ATG7: variants seen among roughly 807,000 people sequenced by gnomAD.
The protein encoded by ATG7 is autophagy related 7.
In ATG7, 70 loss-of-function variants were observed where a neutral mutation model predicts 82.4. The observed-to-expected ratio is 0.85, with a 90% CI of 0.70 to 1.04. The LOEUF (loss-of-function observed/expected upper bound fraction) is 1.04. Among genes scored for constraint, ATG7 ranks in the 50% least tolerant of loss-of-function variants. The pLI is 0.00. For synonymous variants in ATG7, 287 were observed against 313.0 expected, an observed-to-expected ratio of 0.92 and a Z score of 0.88; for missense variants, 792 against 864.3, an observed-to-expected ratio of 0.92 and a Z score of 1.05.
chr3:11,543,944 G>A (rs976006170), intron 20 of ATG7, among the ~76,000 whole-genome samples: 1 of 152,156 alleles, frequency 6.6e-6, no homozygotes, highest in African/African-American at 2.4e-5. Flanking sequence ...CAGACATCAA[G>A]GGCACCCAAG....
intron 20 of ATG7, among the ~76,000 whole-genome samples, chr3:11,456,734 C>T (rs1045211109): frequency 2.2e-4 from 33 of 152,308 alleles, no homozygotes; most frequent in African/African-American, 7.0e-4. Flanking sequence ...AAAAATGTGA[C>T]GGAAAGAAGT....
chr3:11,320,398 C>T (rs1274464028), intron 9 of ATG7, among the ~76,000 whole-genome samples: 25 of 152,108 alleles, frequency 1.6e-4, no homozygotes, highest in Non-Finnish European at 4.4e-5. Flanking sequence ...GTGATTCCTC[C>T]TGCCTCAGCC....
chr3:11,363,492 T>C (rs1461846773), intron 17 of ATG7, among the ~76,000 whole-genome samples: 2 of 152,214 alleles, frequency 1.3e-5, no homozygotes, highest in Admixed American at 1.3e-4. Context: ...TCAGAAGTGA[T>C]TCACCCACCT....
chr3:11,390,882 G>A (rs2078747158), intron 19 of ATG7, among the ~76,000 whole-genome samples: 2 of 152,206 alleles, frequency 1.3e-5, no homozygotes, highest in Admixed American at 6.5e-5. Flanking sequence ...GATATGACTA[G>A]TGCAGCAGCA....
intron 14 of ATG7, among the ~76,000 whole-genome samples, chr3:11,352,607 T>C (rs1445361280): frequency 6.6e-6 from 1 of 152,246 alleles, no homozygotes; most frequent in Non-Finnish European, 1.5e-5. Flanking sequence ...CAGATACTTA[T>C]TCATCACCTT....
intron 3 of ATG7, among the ~76,000 whole-genome samples, chr3:11,289,604 A>G (rs1270122397): frequency 6.6e-6 from 1 of 152,168 alleles, no homozygotes; most frequent in Non-Finnish European, 1.5e-5. Context: ...CTCTTATGCA[A>G]ATTACTTTTG....
chr3:11,452,384 CAAAAAAAAAA>C (rs34530409), intron 20 of ATG7, among the ~76,000 whole-genome samples: 1 of 58,420 alleles, frequency 1.7e-5, no homozygotes, highest in African/African-American at 7.6e-5. Context: ...GAACCTGTCT[CAAAAAAAAAA>C]AAAAAAAAAA....
At chr3:11,344,625 G>A (rs529229347) in intron 13 of ATG7, among the ~76,000 whole-genome samples, 3 of 152,190 alleles carry the variant, frequency 2.0e-5, no homozygotes, top group East Asian at 3.9e-4. Flanking sequence ...CCAGCAGTTT[G>A]GGAGGCCAAG....
At chr3:11,535,196 T>TA (rs1274447399) in intron 20 of ATG7, among the ~76,000 whole-genome samples, 1 of 152,216 alleles carries the variant, frequency 6.6e-6, no homozygotes, top group Non-Finnish European at 1.5e-5. Context: ...TGCTGAGCCT[T>TA]AGCTGAGTGC....
chr3:11,421,920 C>G (rs1212272364), intron 19 of ATG7, among the ~76,000 whole-genome samples: 1 of 152,168 alleles, frequency 6.6e-6, no homozygotes, highest in East Asian at 1.9e-4. Flanking sequence ...GGTGCATTGT[C>G]AGTGAGCAGT....
At chr3:11,358,863 A>T (rs2076103676) in intron 15 of ATG7, among the ~76,000 whole-genome samples, 1 of 152,240 alleles carries the variant, frequency 6.6e-6, no homozygotes, top group Non-Finnish European at 1.5e-5. Flanking sequence ...TACTGTACTT[A>T]CATTAAAACG....
downstream of ATG7, among the ~76,000 whole-genome samples, chr3:11,560,745 G>GC (rs1488047236): frequency 2.0e-5 from 3 of 152,146 alleles, no homozygotes; most frequent in Non-Finnish European, 2.9e-5. Context: ...TTTCTTAGTG[G>GC]CCCGACACTT....
intron 19 of ATG7, among the ~76,000 whole-genome samples, chr3:11,388,240 T>C (rs763516820): frequency 6.6e-6 from 1 of 152,094 alleles, no homozygotes; most frequent in South Asian, 2.1e-4. Flanking sequence ...CTAGTTTTTG[T>C]GTCTCTGAGA....
chr3:11,389,621 G>C (rs1265869429), intron 19 of ATG7, among the ~76,000 whole-genome samples: 1 of 152,196 alleles, frequency 6.6e-6, no homozygotes, highest in Non-Finnish European at 1.5e-5. Context: ...TGAACAGTCA[G>C]TGGGAGAATA....
intron 5 of ATG7, among the ~76,000 whole-genome samples, chr3:11,300,638 G>C (rs1252459644): frequency 6.6e-6 from 1 of 152,212 alleles, no homozygotes; most frequent in Non-Finnish European, 1.5e-5. Context: ...AGAGGAGAAA[G>C]AGAATAAAGA....
At chr3:11,350,923 CAAAAAAAA>C (rs10709080) in intron 14 of ATG7, among the ~76,000 whole-genome samples, 42 of 57,624 alleles carry the variant, frequency 7.3e-4, no homozygotes, top group Non-Finnish European at 1.1e-3. Flanking sequence ...GACCCTAGCC[CAAAAAAAA>C]AAAAAAAAAA....
chr3:11,527,071 G>GTGTATATA (rs1305045814), intron 20 of ATG7, among the ~76,000 whole-genome samples: 7 of 127,424 alleles, frequency 5.5e-5, no homozygotes, highest in East Asian at 4.3e-4. Context: ...GTGTGTGTGT[G>GTGTATATA]TATATATATA....
intron 20 of ATG7, among the ~76,000 whole-genome samples, chr3:11,473,993 T>A (rs2153020452): frequency 6.6e-6 from 1 of 152,324 alleles, no homozygotes; most frequent in African/African-American, 2.4e-5. Flanking sequence ...TCATTATACA[T>A]CTGATTTGGC....
chr3:11,433,289 TAAAAAAAAAA>T (rs56859088), intron 20 of ATG7, among the ~76,000 whole-genome samples: 1 of 83,802 alleles, frequency 1.2e-5, no homozygotes, highest in Non-Finnish European at 2.3e-5. Flanking sequence ...GTCTCTTATT[TAAAAAAAAAA>T]AAAAAAAAAA....
Sources: allele counts gnomAD v4.1 joint callset (sites outside exome capture counted in the v4.1 genomes callset), GRCh38; gene constraint gnomAD v4.1.1; transcripts MANE v1.5; gene names NCBI Gene and HGNC (gene_info 2026-07-23, HGNC 2026-07-21).